Variants in HOPX observed in about 807,000 individuals in gnomAD.
The protein encoded by HOPX is HOP homeobox.
A neutral mutation model predicts 11.8 loss-of-function variants in HOPX; 5 were observed. That is an observed-to-expected ratio of 0.43 (90% CI 0.22 to 0.89). The LOEUF is 0.89. HOPX is among the 40% of genes least tolerant of loss of function. The probability of loss-of-function intolerance (pLI) is 0.28; values close to 1 mark genes in which losing one functional copy is unlikely to be tolerated. For missense variants in HOPX, 119 were observed against 120.0 expected (o/e 0.99, Z 0.04); for synonymous variants, 49 against 49.7 (o/e 0.99, Z 0.06).
chr4:56,650,136 A>C (rs1717022047), intron 3 of HOPX: 1 of 155,322 alleles, frequency 6.4e-6, no homozygotes, highest in Non-Finnish European at 1.5e-5. Context: ...GAAGCTCTAG[A>C]GTAACTAATT....
chr4:56,650,762 G>A lies in HOPX; in HGVS notation c.199-1965C>T, dbSNP rs199550318. 2,298 of 1,550,900 alleles carry A rather than the reference G, an allele frequency of 1.5e-3. 42 individuals are homozygous for A. The highest frequency in any genetic ancestry group is 5.0e-4 in the Middle Eastern group (3 of 6,004). Reference sequence around the variant, plus strand: ...TATCATGGGGGTAGCCTTCTCTTTGGGGGCTACTTTCTGGGTGCCATATTT... The same window carrying A: ...TATCATGGGGGTAGCCTTCTCTTTGAGGGCTACTTTCTGGGTGCCATATTT... On this transcript the variant is annotated intron_variant, in intron 3 of 3. Coordinates refer to ENST00000420433, the MANE Select transcript of HOPX (RefSeq NM_032495.6).
Position 56,655,867 on chromosome 4 carries a change from T to A in HOPX, c.188A>T (p.Glu63Val). The change falls in exon 3 of 4, where the codon GAG becomes GTG. Residue 63 changes from glutamate to valine, a missense_variant. Glu to Val is a moderately radical substitution (Grantham distance 121). Coordinates refer to ENST00000420433, the MANE Select transcript of HOPX (RefSeq NM_032495.6). ...CGTGTGGGGACGCACCTGGGTCTCCTCCTCGGAAAGGCCTGCCTCGGCCGC... is the reference window on the plus strand; with the variant it reads ...CGTGTGGGGACGCACCTGGGTCTCCACCTCGGAAAGGCCTGCCTCGGCCGC... ...LIAAEAGLSE[E>V]ETQKWFKQRL... The A allele has an allele frequency of 6.2e-7, 1 of 1,611,354 alleles. No individual in the cohort carries two copies. The highest frequency in any genetic ancestry group is 8.5e-7 in the Non-Finnish European group (1 of 1,178,860).
At chr4:56,667,574 A>G (rs1185765133) in intron 1 of HOPX, among the ~76,000 whole-genome samples, 1 of 152,242 alleles carries the variant, frequency 6.6e-6, no homozygotes, top group Non-Finnish European at 1.5e-5. Context: ...AGTCTACCAG[A>G]CAGATTCCTA....
At position 56,655,996 on chromosome 4, in the gene HOPX, G is replaced by A. The variant is rs1416102505; in HGVS notation, c.59C>T (p.Ser20Leu). The change falls in exon 3 of 4, where the codon TCG becomes TTG. Residue 20 changes from serine (S) to leucine (L), a missense_variant. Physicochemically the swap from Ser to Leu is moderately radical, Grantham distance 145. Coordinates refer to ENST00000420433, the MANE Select transcript of HOPX (RefSeq NM_032495.6). ...RRLEERAGTM[S>L]AETASGPTED... is the part of the protein sequence containing the mutation. ...TGTGGGGCCGCTCGCGGTCTCCGCCGACATGGTCCCTGCGCGCTGCGGGGC... is the reference window on the plus strand; with the variant it reads ...TGTGGGGCCGCTCGCGGTCTCCGCCAACATGGTCCCTGCGCGCTGCGGGGC... 2.5e-6 allele frequency: 4 copies of A among 1,603,772 alleles called. No individual in the cohort carries two copies. In the African/African-American group the frequency reaches 5.4e-5, roughly 22 times the overall value.
chr4:56,659,599 G>A (rs1717984452), intron 1 of HOPX: 1 of 152,118 alleles, frequency 6.6e-6, no homozygotes, highest in African/African-American at 2.4e-5. Context: ...TTGGAGATTG[G>A]TATCCTTAAG....
At position 56,674,842 on chromosome 4, in the gene HOPX, G is replaced by A. The variant is rs557030865; in HGVS notation, c.-84+6413C>T. On this transcript the variant is annotated intron_variant, in intron 1 of 3. Coordinates refer to ENST00000420433, the MANE Select transcript of HOPX (RefSeq NM_032495.6). ...AGCTCACTGCAGCCTCGAACTTCTG[G>A]GCTCAAGCAACCTTCCCGCCTCAGT... 2.7e-3 allele frequency among the ~76,000 whole-genome samples: 407 copies of A among 150,664 alleles called. 21 individuals are homozygous for A. The highest frequency in any genetic ancestry group is 0.01 in the Middle Eastern group (3 of 294).
At chr4:56,678,187 C>T (rs11945101) in intron 1 of HOPX, among the ~76,000 whole-genome samples, 112,541 of 151,084 alleles carry the variant, frequency 0.74, 42,955 homozygotes, top group African/African-American at 0.9. Flanking sequence ...ACCTTTGAGC[C>T]TCTGTTGCTG....
At chr4:56,658,775 T>C (rs775408271) in intron 1 of HOPX, among the ~76,000 whole-genome samples, 2 of 152,262 alleles carry the variant, frequency 1.3e-5, no homozygotes, top group African/African-American at 2.4e-5. Context: ...CAGACGTTAA[T>C]CTTAGCACAA....
At chr4:56,659,092 A>G (rs2109495948) in intron 1 of HOPX, 1 of 152,282 alleles carries the variant, frequency 6.6e-6, no homozygotes, top group East Asian at 1.9e-4. Context: ...TAACCAAAAA[A>G]TTTCTTTGGG....
chr4:56,651,795 G>A (rs952541478), intron 3 of HOPX, among the ~76,000 whole-genome samples: 1 of 152,020 alleles, frequency 6.6e-6, no homozygotes, highest in Non-Finnish European at 1.5e-5. Flanking sequence ...AATACTTGGA[G>A]ACCTCCCTAA....
chr4:56,652,354 G>A (rs994854647), intron 3 of HOPX, among the ~76,000 whole-genome samples: 8 of 152,142 alleles, frequency 5.3e-5, no homozygotes, highest in Admixed American at 3.9e-4. Flanking sequence ...GCTTCTTTTT[G>A]TGGTACTGAA....
rs1248508011 is a variant in HOPX at position 56,648,670 on chromosome 4, G to GA, written c.*49dup. 7.3e-7 allele frequency: 1 copy of GA among 1,375,800 alleles called. No homozygotes were observed. The highest frequency in any genetic ancestry group is 1.0e-6 in the Non-Finnish European group (1 of 976,018). The allele number at this position is 1,375,800 out of a possible 1,614,324, so 85.2% of individuals were successfully genotyped here. ...CAACAGCTTGGTTAAGCGGAGGAGA[G>GA]AAACAGAGATGGCCTTCATGGAGTG... On this transcript the variant is annotated 3_prime_UTR_variant, in exon 4 of 4. Coordinates refer to ENST00000420433, the MANE Select transcript of HOPX (RefSeq NM_032495.6).
At chr4:56,650,542 T>C (rs1253727162) in intron 3 of HOPX, 7 of 804,978 alleles carry the variant, frequency 8.7e-6, no homozygotes, top group Non-Finnish European at 1.2e-5. Context: ...TGAATGGGGG[T>C]AAGGCTCTGC....
At chr4:56,667,894 G>A (rs1015477029) in intron 1 of HOPX, among the ~76,000 whole-genome samples, 5 of 152,122 alleles carry the variant, frequency 3.3e-5, no homozygotes, top group African/African-American at 1.2e-4. Flanking sequence ...GTTTGCCTGG[G>A]ACACTTCTGA....
Position 56,648,057 on chromosome 4 carries a change from T to G in HOPX, c.*663A>C, listed in dbSNP as rs1431383288. 6.6e-6 allele frequency: 1 copy of G among 152,204 alleles called. No individual in the cohort carries two copies. Among genetic ancestry groups the G allele is most frequent in the Non-Finnish European group, 1.5e-5 (1 of 68,050 alleles). 9.4% of individuals were successfully genotyped at this position (152,204 alleles called of 1,614,324 possible). ...ATTTTAGAGACAAAAAGCAGTTCAC[T>G]TTATTTAGCAAAATAAACTTAACCA... On this transcript the variant is annotated 3_prime_UTR_variant, in exon 4 of 4. Coordinates refer to ENST00000420433, the MANE Select transcript of HOPX (RefSeq NM_032495.6).
chr4:56,679,184 G>A (rs1461786900), intron 1 of HOPX: 2 of 152,256 alleles, frequency 1.3e-5, no homozygotes, highest in Admixed American at 1.3e-4. Context: ...AGAGGCTGCA[G>A]TGAGCCGAGA....
upstream of HOPX, chr4:56,681,414 G>A: frequency 6.1e-6 from 6 of 985,912 alleles, no homozygotes; most frequent in Non-Finnish European, 7.2e-6. Flanking sequence ...AACCTGCAGC[G>A]TGGGCAGGAG....
chr4:56,673,385 G>A lies in HOPX; in HGVS notation c.-84+7870C>T, dbSNP rs916643316. 4.6e-5 allele frequency among the ~76,000 whole-genome samples: 7 copies of A among 152,170 alleles called. No homozygotes were observed. The East Asian group carries it at 7.7e-4, about 17-fold the overall frequency. ...TAAGGACTATGTTAACTCATCATAC[G>A]CCTAAAGACAAACAAAAAAAAGGGC... On this transcript the variant is annotated intron_variant, in intron 1 of 3. Transcript: ENST00000420433.
chr4:56,668,926 A>G (rs1718584171), intron 1 of HOPX, among the ~76,000 whole-genome samples: 1 of 152,200 alleles, frequency 6.6e-6, no homozygotes, highest in Non-Finnish European at 1.5e-5. Context: ...TTCTCTGTAA[A>G]ATGTGGCTAA....
Sources: allele counts gnomAD v4.1 joint callset (sites outside exome capture counted in the v4.1 genomes callset), GRCh38; gene constraint gnomAD v4.1.1; transcripts MANE v1.5; gene names NCBI Gene and HGNC (gene_info 2026-07-23, HGNC 2026-07-21).